PARD3B: variants seen among roughly 807,000 people sequenced by gnomAD.
The protein encoded by PARD3B is par-3 family cell polarity regulator beta, also known as partitioning defective 3 homolog B.
PARD3B carries 103 observed loss-of-function variants against 130.2 expected under a neutral mutation model. The ratio of observed to expected loss-of-function variants is 0.79; its 90% CI spans 0.67 to 0.93. PARD3B has a LOEUF of 0.93. Among genes scored for constraint, PARD3B ranks in the 40% least tolerant of loss-of-function variants. The probability of loss-of-function intolerance (pLI) is 0.00; values close to 1 mark genes in which losing one functional copy is unlikely to be tolerated. For synonymous variants in PARD3B, 583 were observed against 553.2 expected, an observed-to-expected ratio of 1.05 and a Z score of -0.76; for missense variants, 1,609 against 1,499.2, an observed-to-expected ratio of 1.07 and a Z score of -1.21.
rs1022445397 is a variant in PARD3B at position 205,592,294 on chromosome 2, C to T, written c.3261-23162C>T. 2.5e-4 allele frequency among the ~76,000 whole-genome samples: 38 copies of T among 152,170 alleles called. No homozygotes were observed. The highest frequency in any genetic ancestry group is 4.1e-4 in the Non-Finnish European group (28 of 68,040). On this transcript the variant is annotated intron_variant, in intron 22 of 22. Coordinates refer to ENST00000406610, the MANE Select transcript of PARD3B (RefSeq NM_001302769.2). This position sits in a 1 kb window ranked among gnomAD's most constrained non-coding sequence, Gnocchi z 4.5. The stretch of plus-strand genomic sequence containing the variant: ...TGACTTGTTCATTGGAATTGCTGTA[C>T]GCCTTGGGAGCTTGGTCATTAGGCA...
chr2:205,332,526 G>T (rs565347236), intron 18 of PARD3B, among the ~76,000 whole-genome samples: 4 of 151,940 alleles, frequency 2.6e-5, no homozygotes, highest in Non-Finnish European at 5.9e-5. Flanking sequence ...GGAGAAATAA[G>T]GAGAAACCAA....
At chr2:205,170,345 C>T (rs1441617294) in intron 11 of PARD3B, among the ~76,000 whole-genome samples, 1 of 152,134 alleles carries the variant, frequency 6.6e-6, no homozygotes, top group African/African-American at 2.4e-5. Flanking sequence ...CATTTCCAGA[C>T]TTGCTTCAAA....
chr2:205,441,266 A>T (rs2047705976), intron 20 of PARD3B, among the ~76,000 whole-genome samples: 1 of 152,194 alleles, frequency 6.6e-6, no homozygotes, highest in Non-Finnish European at 1.5e-5. Flanking sequence ...AAGTCCACAG[A>T]TCTTTAGGTT....
At chr2:204,811,402 G>A (rs2042956735) in intron 2 of PARD3B, among the ~76,000 whole-genome samples, 1 of 152,104 alleles carries the variant, frequency 6.6e-6, no homozygotes, top group Non-Finnish European at 1.5e-5. Context: ...TATACTACAT[G>A]ATGTTTGAAA....
chr2:204,690,671 T>C (rs767841278), intron 2 of PARD3B, among the ~76,000 whole-genome samples: 3 of 152,174 alleles, frequency 2.0e-5, no homozygotes, highest in Non-Finnish European at 4.4e-5. Flanking sequence ...CCAGTGAGAC[T>C]TGTTTCAGAT....
At chr2:204,607,898 G>T (rs2033784085) in intron 1 of PARD3B, among the ~76,000 whole-genome samples, 1 of 152,178 alleles carries the variant, frequency 6.6e-6, no homozygotes. Context: ...TTGTAATCCT[G>T]TTAAAGCTAT....
At chr2:205,487,061 A>G (rs140455433) in intron 20 of PARD3B, among the ~76,000 whole-genome samples, 2 of 152,294 alleles carry the variant, frequency 1.3e-5, no homozygotes, top group African/African-American at 4.8e-5. Flanking sequence ...ATTTAACACC[A>G]TATGTGATCA....
At chr2:204,914,148 C>G (rs529069464) in intron 2 of PARD3B, among the ~76,000 whole-genome samples, 24 of 152,286 alleles carry the variant, frequency 1.6e-4, no homozygotes, top group African/African-American at 4.3e-4. Flanking sequence ...AGGAGCCGGG[C>G]CTCTCCTGAT....
rs899156575 is a variant in PARD3B, at chr2:205,618,208, T to C, written c.*2395T>C. ...CAAAAACTAGATTGCAACAGTTTTC[T>C]TTCCTTGCTTGAAGTATAACACACG... On this transcript the variant is annotated 3_prime_UTR_variant, in exon 23 of 23. Transcript: ENST00000406610. 6.6e-6 allele frequency: 1 copy of C among 152,254 alleles called. No homozygotes were observed. Among genetic ancestry groups the C allele is most frequent in the African/African-American group, 2.4e-5 (1 of 41,458 alleles). 9.4% of individuals were successfully genotyped at this position (152,254 alleles called of 1,614,324 possible). A position where few individuals can be genotyped will look rare whatever the true frequency, so the allele number is the denominator to read the frequency against.
Position 205,021,422 on chromosome 2 carries a change from A to G in PARD3B, c.395-26159A>G, listed in dbSNP as rs369038539. ...TGGGCATGCATTGGGACCACAGGTT[A>G]TGGTGGCTCACATTTTAGGATTGAC... is the stretch of plus-strand genomic sequence containing the variant. On this transcript the variant is annotated intron_variant, in intron 3 of 22. Transcript: ENST00000406610. This position sits in a 1 kb window ranked among gnomAD's most constrained non-coding sequence, Gnocchi z 4.5. 5.3e-5 allele frequency among the ~76,000 whole-genome samples: 8 copies of G among 152,292 alleles called. No homozygotes were observed. Among genetic ancestry groups the G allele is most frequent in the African/African-American group, 1.9e-4 (8 of 41,566 alleles).
At chr2:205,159,537 G>A (rs1391220343) in intron 11 of PARD3B, among the ~76,000 whole-genome samples, 1 of 152,214 alleles carries the variant, frequency 6.6e-6, no homozygotes, top group Non-Finnish European at 1.5e-5. Context: ...GTCCTTGCTA[G>A]CTGTATGGAA....
chr2:205,158,636 A>G lies in PARD3B; in HGVS notation c.1435-86A>G, dbSNP rs1160631085. On this transcript the variant is annotated intron_variant, in intron 10 of 22. Transcript: ENST00000406610. The surrounding 1 kb of genome is among the most constrained non-coding windows in gnomAD (Gnocchi z 5.4). Reference sequence around the variant, plus strand: ...GAGGTCCAGTCATCCTGTCCTACTGATTGCATCTGTGTCTGGTCATCTGAG... The same window carrying G: ...GAGGTCCAGTCATCCTGTCCTACTGGTTGCATCTGTGTCTGGTCATCTGAG... The G allele has an allele frequency of 7.5e-7, 1 of 1,327,036 alleles. No individual in the cohort carries two copies. Among genetic ancestry groups the G allele is most frequent in the Non-Finnish European group, 1.0e-6 (1 of 955,866 alleles). The allele number at this position is 1,327,036 out of a possible 1,614,324, so 82.2% of individuals were successfully genotyped here. A position where few individuals can be genotyped will look rare whatever the true frequency, so the allele number is the denominator to read the frequency against.
In PARD3B at chr2:205,121,712, A is replaced by C. The variant is rs772431323; in HGVS notation, c.928A>C (p.Asn310His). 6.2e-7 allele frequency: 1 copy of C among 1,614,166 alleles called. No individual in the cohort carries two copies. The highest frequency in any genetic ancestry group is 8.5e-7 in the Non-Finnish European group (1 of 1,180,038). The stretch of plus-strand genomic sequence containing the variant: ...TGGCTCTCTTAACATTTTTGGTAAT[A>C]ATGATGGCGTTTTGAAAACCAAAGT... ...VIGSLNIFGN[N>H]DGVLKTKVPP... Residue 310 changes from asparagine (N) to histidine (H), a missense_variant, in exon 8 of 23, where the codon AAT becomes CAT. Transcript: ENST00000406610. The surrounding 1 kb of genome is among the most constrained non-coding windows in gnomAD (Gnocchi z 5.0).
intron 22 of PARD3B, among the ~76,000 whole-genome samples, chr2:205,579,513 C>G (rs763040723): frequency 6.6e-5 from 10 of 152,282 alleles, no homozygotes; most frequent in Non-Finnish European, 1.2e-4. Flanking sequence ...GCTATTGGGA[C>G]TTTGTGTGAG....
chr2:205,323,541 AAAGAAGCT>A (rs2042831863), intron 18 of PARD3B, among the ~76,000 whole-genome samples: 1 of 152,208 alleles, frequency 6.6e-6, no homozygotes, highest in South Asian at 2.1e-4. Flanking sequence ...GGGACTATGA[AAAGAAGCT>A]AAGGACCATT....
intron 15 of PARD3B, among the ~76,000 whole-genome samples, chr2:205,240,234 A>G (rs2039292290): frequency 6.6e-6 from 1 of 152,198 alleles, no homozygotes; most frequent in South Asian, 2.1e-4. Context: ...GATTTTTAAT[A>G]TTGGCAACTA....
intron 1 of PARD3B, among the ~76,000 whole-genome samples, chr2:204,681,358 AG>A (rs908069995): frequency 1.1e-4 from 17 of 152,246 alleles, no homozygotes; most frequent in Non-Finnish European, 1.8e-4. Flanking sequence ...TGGACTTGCT[AG>A]GTGTTACTTT....
rs113310526 is a variant in PARD3B at position 204,970,048 on chromosome 2, A to G, written c.394+4725A>G. On this transcript the variant is annotated intron_variant, in intron 3 of 22. Coordinates refer to ENST00000406610, the MANE Select transcript of PARD3B (RefSeq NM_001302769.2). ...AGACTTTCTGATTTTTTAAGTATGT[A>G]CATATAGGGCCATCTGTAAAAAAGA... is the stretch of plus-strand genomic sequence containing the variant. Among the ~76,000 whole-genome samples, 239 of 152,268 alleles carry G rather than the reference A, an allele frequency of 1.6e-3. 2 individuals carry two copies. Among genetic ancestry groups the G allele is most frequent in the African/African-American group, 5.4e-3 (226 of 41,542 alleles).
At chr2:205,250,273 A>G (rs143174465) in intron 16 of PARD3B, among the ~76,000 whole-genome samples, 46 of 151,496 alleles carry the variant, frequency 3.0e-4, no homozygotes, top group Admixed American at 6.6e-4. Flanking sequence ...CTGTTTTAAT[A>G]TGTATTGACT....
Sources: gnomAD v4.1 joint callset for allele counts (sites outside exome capture counted in the v4.1 genomes callset) on GRCh38, gnomAD v4.1.1 for gene constraint, Gnocchi (gnomAD v3.1) non-coding constraint, MANE v1.5 for transcripts, NCBI Gene and HGNC (gene_info 2026-07-23, HGNC 2026-07-21) for gene names.